Variants in CSMD1 observed in about 807,000 individuals in gnomAD.
CSMD1 encodes the protein CUB and sushi domain-containing protein 1.
Under a neutral mutation model 417.5 loss-of-function variants are expected in CSMD1, and 213 were observed. That is an observed-to-expected ratio of 0.51 (90% CI 0.46 to 0.57). The LOEUF (loss-of-function observed/expected upper bound fraction) is 0.57, where lower values mean the gene tolerates loss of function less well. CSMD1 is among the 20% of genes least tolerant of loss of function. The probability of loss-of-function intolerance (pLI) is 0.00; values close to 1 mark genes in which losing one functional copy is unlikely to be tolerated. For missense variants in CSMD1, 6,923 were observed against 4,529.7 expected (o/e 1.53, Z -15.17); for synonymous variants, 2,862 against 1,736.8 (o/e 1.65, Z -16.11).
chr8:4,315,027 C>G (rs1027181608), intron 3 of CSMD1, among the ~76,000 whole-genome samples: 5 of 152,160 alleles, frequency 3.3e-5, no homozygotes, highest in African/African-American at 1.2e-4. Flanking sequence ...AGAGGTCCCT[C>G]TTCTAATCAT....
chr8:4,214,650 G>A (rs763685452), intron 3 of CSMD1, among the ~76,000 whole-genome samples: 2 of 152,144 alleles, frequency 1.3e-5, no homozygotes, highest in African/African-American at 4.8e-5. Flanking sequence ...GCATGCACGT[G>A]TATGTGTGTG....
chr8:4,029,472 C>G lies in CSMD1; in HGVS notation c.610+2433G>C, dbSNP rs549769851. On this transcript the variant is annotated intron_variant, in intron 4 of 69. Coordinates refer to ENST00000635120, the MANE Select transcript of CSMD1 (RefSeq NM_033225.6). ...CAAAGTCAGCCTGTGCAGAGAAACA[C>G]CCATTTTTAAAACCATCAGATCTTG... is the stretch of plus-strand genomic sequence containing the variant. 5.9e-5 allele frequency among the ~76,000 whole-genome samples: 9 copies of G among 152,204 alleles called. No individual in the cohort carries two copies. The South Asian group carries it at 1.9e-3, about 32-fold the overall frequency.
chr8:4,246,269 T>G (rs1397307335), intron 3 of CSMD1, among the ~76,000 whole-genome samples: 1 of 152,148 alleles, frequency 6.6e-6, no homozygotes, highest in Non-Finnish European at 1.5e-5. Flanking sequence ...TGATAACTTG[T>G]GCTATTTGGT....
Position 3,194,167 on chromosome 8 carries a change from C to T in CSMD1, c.5195-4052G>A, listed in dbSNP as rs1211090075. Among the ~76,000 whole-genome samples, 5 of 152,086 alleles carry T rather than the reference C, an allele frequency of 3.3e-5. No individual in the cohort carries two copies. In the South Asian group the frequency reaches 8.3e-4, roughly 25 times the overall value. On this transcript the variant is annotated intron_variant, in intron 33 of 69. Coordinates refer to ENST00000635120, the MANE Select transcript of CSMD1 (RefSeq NM_033225.6). The stretch of plus-strand genomic sequence containing the variant: ...TTTATTCTTCTTTGCAAAGAATATG[C>T]TTTTTATAGGCTCTTGACACAAATG...
chr8:3,018,366 C>A, intron 52 of CSMD1, 111 bp downstream of exon 52: 1 of 957,590 alleles, frequency 1.0e-6, no homozygotes, highest in Non-Finnish European at 1.5e-6. Flanking sequence ...GCATTTCCAC[C>A]CCAGGTAGGA....
intron 23 of CSMD1, among the ~76,000 whole-genome samples, chr8:3,308,723 TACTTACA>T (rs1329037630): frequency 1.4e-5 from 2 of 143,004 alleles, no homozygotes; most frequent in Non-Finnish European, 3.0e-5. Flanking sequence ...TGTTCCTCCC[TACTTACA>T]AGTTTTTTTT....
chr8:4,728,700 T>C (rs1228548659), intron 1 of CSMD1, among the ~76,000 whole-genome samples: 1 of 152,130 alleles, frequency 6.6e-6, no homozygotes, highest in Non-Finnish European at 1.5e-5. Flanking sequence ...TTGTTTTACA[T>C]ATTTCTATTT....
chr8:3,220,032 C>T (rs1018371741), intron 28 of CSMD1, among the ~76,000 whole-genome samples: 2 of 151,360 alleles, frequency 1.3e-5, no homozygotes, highest in Non-Finnish European at 2.9e-5. Context: ...GTAGTCCTAG[C>T]TACTCAGGAA....
intron 41 of CSMD1, among the ~76,000 whole-genome samples, chr8:3,120,706 G>GC (rs1554431370): frequency 1.4e-5 from 2 of 147,442 alleles, no homozygotes; most frequent in East Asian, 3.9e-4. Flanking sequence ...AATTAGCCAG[G>GC]GGGGGTGACC....
At chr8:4,623,473 C>G (rs1801897946) in intron 2 of CSMD1, among the ~76,000 whole-genome samples, 4 of 152,094 alleles carry the variant, frequency 2.6e-5, no homozygotes, top group African/African-American at 9.7e-5. Flanking sequence ...CCATTCCACT[C>G]TTGAATGTTT....
intron 54 of CSMD1, among the ~76,000 whole-genome samples, chr8:2,992,864 G>C (rs753527847): frequency 6.6e-6 from 1 of 151,876 alleles, no homozygotes; most frequent in East Asian, 1.9e-4. Context: ...CAGCCTCCTA[G>C]GTAGGTGGAA....
intron 5 of CSMD1, among the ~76,000 whole-genome samples, chr8:3,864,977 A>T (rs573242882): frequency 6.6e-6 from 1 of 152,302 alleles, no homozygotes; most frequent in Admixed American, 6.5e-5. Context: ...TTTTGGCAGC[A>T]TGACATCATC....
intron 10 of CSMD1, among the ~76,000 whole-genome samples, chr8:3,504,784 G>T (rs1796753868): frequency 6.6e-6 from 1 of 152,140 alleles, no homozygotes; most frequent in South Asian, 2.1e-4. Context: ...CTTAGATGAA[G>T]AAATTGTGGA....
chr8:4,157,635 C>T (rs963432809), intron 3 of CSMD1, among the ~76,000 whole-genome samples: 1 of 152,198 alleles, frequency 6.6e-6, no homozygotes, highest in Admixed American at 6.5e-5. Context: ...ATTTTCAGAA[C>T]AGCTCAGACC....
At chr8:4,087,843 G>A (rs1800500950) in intron 3 of CSMD1, among the ~76,000 whole-genome samples, 1 of 151,854 alleles carries the variant, frequency 6.6e-6, no homozygotes, top group South Asian at 2.1e-4. Flanking sequence ...GCATAATAAT[G>A]CCTACCTTAC....
intron 20 of CSMD1, among the ~76,000 whole-genome samples, chr8:3,364,523 T>C (rs1346664577): frequency 5.3e-5 from 8 of 152,230 alleles, no homozygotes; most frequent in Non-Finnish European, 1.2e-4. Context: ...GTCAGCTGTG[T>C]AGTTACATTC....
intron 1 of CSMD1, among the ~76,000 whole-genome samples, chr8:4,763,992 C>A (rs1035752363): frequency 5.3e-5 from 8 of 152,246 alleles, no homozygotes; most frequent in African/African-American, 1.4e-4. Flanking sequence ...AGAAAACCAA[C>A]GTCTAGTTTT....
At chr8:4,258,168 C>T (rs893553821) in intron 3 of CSMD1, among the ~76,000 whole-genome samples, 5 of 150,496 alleles carry the variant, frequency 3.3e-5, no homozygotes, top group African/African-American at 1.2e-4. Context: ...TGGTCTCAAA[C>T]TCCTGGCCTC....
Position 3,784,742 on chromosome 8 carries a change from C to A in CSMD1, c.819-30700G>T, listed in dbSNP as rs532601424. Reference sequence around the variant, plus strand: ...AAACAAATGGTGGCAGACACCAATGCATGACTAAGTAAAATAAGATACAAT... The same window carrying A: ...AAACAAATGGTGGCAGACACCAATGAATGACTAAGTAAAATAAGATACAAT... On this transcript the variant is annotated intron_variant, in intron 5 of 69. Coordinates refer to ENST00000635120, the MANE Select transcript of CSMD1 (RefSeq NM_033225.6). Among the ~76,000 whole-genome samples the A allele has an allele frequency of 1.5e-4, 23 of 152,306 alleles. 1 individual carries two copies. The South Asian group carries it at 4.8e-3, about 32-fold the overall frequency.
Sources: allele counts gnomAD v4.1 joint callset (sites outside exome capture counted in the v4.1 genomes callset), GRCh38; gene constraint gnomAD v4.1.1; transcripts MANE v1.5; gene names NCBI Gene and HGNC (gene_info 2026-07-23, HGNC 2026-07-21).